The following GULP1 variants were observed in gnomAD, a reference collection of about 807,000 sequenced individuals.
GULP1 encodes the protein PTB domain-containing engulfment adapter protein 1.
A neutral mutation model predicts 40.9 loss-of-function variants in GULP1; 19 were observed. The observed-to-expected ratio is 0.46, with a 90% CI of 0.32 to 0.68. The LOEUF (loss-of-function observed/expected upper bound fraction) is 0.68, where lower values mean the gene tolerates loss of function less well. Ranked by LOEUF, GULP1 falls within the 30% of genes least tolerant of loss-of-function variation. The pLI is 0.03. For synonymous variants in GULP1, 119 were observed against 117.6 expected (o/e 1.01, Z -0.08); for missense variants, 312 against 362.2 (o/e 0.86, Z 1.12).
intron 2 of GULP1, among the ~76,000 whole-genome samples, chr2:188,397,062 G>A (rs1362618139): frequency 6.6e-6 from 1 of 152,190 alleles, no homozygotes; most frequent in African/African-American, 2.4e-5. Context: ...GCCTGGCTTA[G>A]AAGATGCAGG....
chr2:188,402,305 G>T (rs554465077), intron 2 of GULP1, among the ~76,000 whole-genome samples: 6 of 152,020 alleles, frequency 3.9e-5, no homozygotes, highest in Non-Finnish European at 7.4e-5. Flanking sequence ...ATTATTATTT[G>T]CTTTGACTCC....
chr2:188,351,002 A>T (rs935076875), intron 1 of GULP1, among the ~76,000 whole-genome samples: 1 of 152,132 alleles, frequency 6.6e-6, no homozygotes, highest in Non-Finnish European at 1.5e-5. Context: ...AATTTGGTGG[A>T]TATTGGGGAA....
intron 9 of GULP1, among the ~76,000 whole-genome samples, chr2:188,576,355 G>A (rs891615240): frequency 7.2e-5 from 11 of 152,098 alleles, no homozygotes; most frequent in South Asian, 4.1e-4. Context: ...TCTAGCTAAA[G>A]AAAATAATAT....
At chr2:188,473,427 G>A (rs1459638165) in intron 2 of GULP1, among the ~76,000 whole-genome samples, 2 of 152,196 alleles carry the variant, frequency 1.3e-5, no homozygotes, top group African/African-American at 2.4e-5. Flanking sequence ...GTGAACTAGA[G>A]TCAAAACCAC....
intron 7 of GULP1, among the ~76,000 whole-genome samples, chr2:188,551,103 A>C (rs1403026532): frequency 1.3e-5 from 2 of 151,616 alleles, no homozygotes; most frequent in Non-Finnish European, 3.0e-5. Flanking sequence ...TTTTAAGACA[A>C]ACTTTCTTTT....
chr2:188,381,060 G>A (rs900573612), intron 1 of GULP1, among the ~76,000 whole-genome samples: 5 of 151,962 alleles, frequency 3.3e-5, no homozygotes, highest in South Asian at 4.1e-4. Context: ...ATTTTAAGAA[G>A]CATTTGAATT....
intron 7 of GULP1, among the ~76,000 whole-genome samples, chr2:188,548,858 G>GT (rs141155051): frequency 0.024 from 3,611 of 151,640 alleles, 95 homozygotes; most frequent in African/African-American, 0.05. Flanking sequence ...GTTTTGTTTT[G>GT]TTTTATTTTG....
At chr2:188,441,188 A>T (rs2057894637) in intron 2 of GULP1, among the ~76,000 whole-genome samples, 1 of 152,178 alleles carries the variant, frequency 6.6e-6, no homozygotes, top group Non-Finnish European at 1.5e-5. Flanking sequence ...ACTCGCCCTT[A>T]TGTTTGATCC....
chr2:188,402,239 G>A (rs1160243420), intron 2 of GULP1, among the ~76,000 whole-genome samples: 1 of 152,106 alleles, frequency 6.6e-6, no homozygotes, highest in Admixed American at 6.5e-5. Context: ...AAAATCATTT[G>A]ATACTTATGT....
At chr2:188,524,134 T>G (rs1685533276) in intron 5 of GULP1, among the ~76,000 whole-genome samples, 1 of 152,272 alleles carries the variant, frequency 6.6e-6, no homozygotes, top group South Asian at 2.1e-4. Context: ...TCAGAATGTT[T>G]TATGAAAGAA....
Position 188,529,077 on chromosome 2 carries a change from G to T in GULP1, c.163-20G>T, listed in dbSNP as rs781196593. 1 of 1,073,888 alleles carries T rather than the reference G, an allele frequency of 9.3e-7. No individual in the cohort carries two copies. Among genetic ancestry groups the T allele is most frequent in the Non-Finnish European group, 1.4e-6 (1 of 706,422 alleles). The allele number at this position is 1,073,888 out of a possible 1,614,324, so 66.5% of individuals were successfully genotyped here. A position where few individuals can be genotyped will look rare whatever the true frequency, so the allele number is the denominator to read the frequency against. On this transcript the variant is annotated intron_variant, in intron 5 of 11. Coordinates refer to ENST00000409830, the MANE Select transcript of GULP1 (RefSeq NM_016315.4). Reference sequence around the variant, plus strand: ...TATAGAAATAGAAGTGTAGCTTTGTGAATAATTTTTCATTCGTAGTTTGCA... The same window carrying T: ...TATAGAAATAGAAGTGTAGCTTTGTTAATAATTTTTCATTCGTAGTTTGCA...
At chr2:188,588,223 T>C (rs1702813883) in intron 11 of GULP1, 1 of 397,774 alleles carries the variant, frequency 2.5e-6, no homozygotes, top group Admixed American at 4.1e-5. Context: ...TTCTAATGGT[T>C]CATTGTTCTG....
chr2:188,549,733 G>GA (rs1452829947), intron 7 of GULP1, among the ~76,000 whole-genome samples: 1 of 151,736 alleles, frequency 6.6e-6, no homozygotes, highest in African/African-American at 2.4e-5. Flanking sequence ...AATCCATCCA[G>GA]AAAATGTGTG....
chr2:188,558,279 C>G (rs557272629), intron 7 of GULP1, among the ~76,000 whole-genome samples: 3 of 152,072 alleles, frequency 2.0e-5, no homozygotes, highest in Non-Finnish European at 4.4e-5. Context: ...GGCAGTTTCC[C>G]CCATACTATT....
chr2:188,567,390 A>G (rs539907581), intron 7 of GULP1, among the ~76,000 whole-genome samples: 4 of 152,358 alleles, frequency 2.6e-5, no homozygotes, highest in African/African-American at 7.2e-5. Flanking sequence ...CCAAATGCCC[A>G]TCAATGATAG....
rs191644011 is a variant in GULP1 at position 188,436,786 on chromosome 2, G to A, written c.-44-40873G>A. 6.6e-5 allele frequency among the ~76,000 whole-genome samples: 10 copies of A among 151,810 alleles called. No homozygotes were observed. The East Asian group carries it at 1.9e-3, about 29-fold the overall frequency. The stretch of plus-strand genomic sequence containing the variant: ...ATATATTAATTTGTACATATTTTGG[G>A]GCACATGCTCAAACATTTTTCACAT... On this transcript the variant is annotated intron_variant, in intron 2 of 11. Transcript: ENST00000409830.
rs1187427303 is a variant in GULP1 at position 188,292,135 on chromosome 2, C to G, written c.-203C>G. On this transcript the variant is annotated 5_prime_UTR_variant, in exon 1 of 12. Transcript: ENST00000409830. The surrounding 1 kb of genome is among the most constrained non-coding windows in gnomAD (Gnocchi z 4.0). ...ACCGGCAGCTCTCCACGCCCCTGCC[C>G]GAAGCCTGACCCGACTGCCTCTCTC... is the stretch of plus-strand genomic sequence containing the variant. The G allele has an allele frequency of 1.3e-5, 2 of 152,420 alleles. No homozygotes were observed. The highest frequency in any genetic ancestry group is 6.5e-5 in the Admixed American group (1 of 15,306). 9.4% of individuals were successfully genotyped at this position (152,420 alleles called of 1,614,324 possible).
intron 2 of GULP1, among the ~76,000 whole-genome samples, chr2:188,438,060 C>T (rs1220617747): frequency 6.6e-6 from 1 of 151,890 alleles, no homozygotes; most frequent in Non-Finnish European, 1.5e-5. Context: ...CACGTGCACC[C>T]TGAACCTAAA....
At chr2:188,531,697 A>C (rs546984597) in intron 6 of GULP1, among the ~76,000 whole-genome samples, 1 of 152,330 alleles carries the variant, frequency 6.6e-6, no homozygotes, top group East Asian at 1.9e-4. Flanking sequence ...CTGGGAAACA[A>C]GGCAATTGAA....
Sources: gnomAD v4.1 joint callset for allele counts (sites outside exome capture counted in the v4.1 genomes callset) on GRCh38, gnomAD v4.1.1 for gene constraint, Gnocchi (gnomAD v3.1) non-coding constraint, MANE v1.5 for transcripts, NCBI Gene and HGNC (gene_info 2026-07-23, HGNC 2026-07-21) for gene names.